The following ADAMTS17 variants were observed in gnomAD, a reference collection of about 807,000 sequenced individuals.
The protein encoded by ADAMTS17 is ADAM metallopeptidase with thrombospondin type 1 motif 17, also known as A disintegrin and metalloproteinase with thrombospondin motifs 17.
Under a neutral mutation model 141.5 loss-of-function variants are expected in ADAMTS17, and 113 were observed. The observed-to-expected ratio is 0.80, with a 90% CI of 0.69 to 0.93. The LOEUF (loss-of-function observed/expected upper bound fraction) is 0.93. Ranked by LOEUF, ADAMTS17 falls within the 40% of genes least tolerant of loss-of-function variation. ADAMTS17 has a pLI of 0.00. For synonymous variants in ADAMTS17, 768 were observed against 630.6 expected (o/e 1.22, Z -3.27); for missense variants, 1,659 against 1,517.9 (o/e 1.09, Z -1.54).
chr15:100,332,525 C>A (rs1375304502), intron 2 of ADAMTS17, among the ~76,000 whole-genome samples: 1 of 152,184 alleles, frequency 6.6e-6, no homozygotes, highest in Admixed American at 6.5e-5. Context: ...GGGTCAAAGC[C>A]CCCCCAGGAT....
chr15:100,261,023 A>G (rs1336557524), intron 6 of ADAMTS17, among the ~76,000 whole-genome samples: 4 of 152,236 alleles, frequency 2.6e-5, no homozygotes, highest in African/African-American at 9.6e-5. Flanking sequence ...ATATAGCCAC[A>G]TCGACATCAA....
chr15:100,101,418 T>A lies in ADAMTS17; in HGVS notation c.2017-4942A>T, dbSNP rs1401249077. 2.0e-5 allele frequency among the ~76,000 whole-genome samples: 3 copies of A among 152,228 alleles called. No homozygotes were observed. In the East Asian group the frequency reaches 5.8e-4, roughly 29 times the overall value. ...ACAATACAGTGTGCAGCACTCGGAATGTGATCAACAAATACCTGATGCAGG... is the reference window on the plus strand; with the variant it reads ...ACAATACAGTGTGCAGCACTCGGAAAGTGATCAACAAATACCTGATGCAGG... On this transcript the variant is annotated intron_variant, in intron 14 of 21. Transcript: ENST00000268070.
At chr15:100,009,838 A>T (rs1461288819) in intron 18 of ADAMTS17, among the ~76,000 whole-genome samples, 1 of 152,122 alleles carries the variant, frequency 6.6e-6, no homozygotes, top group African/African-American at 2.4e-5. Flanking sequence ...GGGACAGAAC[A>T]CTCACAGCTG....
chr15:100,239,405 G>C (rs1164843992), intron 7 of ADAMTS17, among the ~76,000 whole-genome samples: 1 of 152,194 alleles, frequency 6.6e-6, no homozygotes, highest in East Asian at 1.9e-4. Context: ...CTGGTGCAGG[G>C]ATACCGCAGT....
At chr15:100,035,689 G>A (rs1185267406) in intron 18 of ADAMTS17, among the ~76,000 whole-genome samples, 2 of 152,096 alleles carry the variant, frequency 1.3e-5, no homozygotes, top group East Asian at 1.9e-4. Flanking sequence ...TGGTTCCAGA[G>A]GGACCCCCAG....
At chr15:100,025,600 G>C (rs2061498026) in intron 18 of ADAMTS17, among the ~76,000 whole-genome samples, 1 of 151,912 alleles carries the variant, frequency 6.6e-6, no homozygotes, top group Admixed American at 6.6e-5. Flanking sequence ...TTTTAGTAGA[G>C]ACAGGGTTTC....
At chr15:99,995,596 A>G (rs2060785782) in intron 19 of ADAMTS17, among the ~76,000 whole-genome samples, 2 of 152,334 alleles carry the variant, frequency 1.3e-5, no homozygotes, top group African/African-American at 4.8e-5. Flanking sequence ...TTCTTCTAAT[A>G]AAGTCGGGAA....
intron 15 of ADAMTS17, among the ~76,000 whole-genome samples, chr15:100,067,661 T>C (rs1198894624): frequency 6.6e-6 from 1 of 152,238 alleles, no homozygotes; most frequent in Non-Finnish European, 1.5e-5. Context: ...TTTACCCTGC[T>C]TGGATGACTT....
chr15:100,108,426 G>A (rs906051837), intron 14 of ADAMTS17, among the ~76,000 whole-genome samples: 1 of 152,004 alleles, frequency 6.6e-6, no homozygotes, highest in African/African-American at 2.4e-5. Context: ...TTCCTGCCTC[G>A]GCCTCCCAAA....
At chr15:100,274,249 A>G (rs185711779) in intron 4 of ADAMTS17, among the ~76,000 whole-genome samples, 6 of 152,238 alleles carry the variant, frequency 3.9e-5, no homozygotes, top group African/African-American at 1.4e-4. Flanking sequence ...TGGTTGTTCT[A>G]TCTACTAATG....
At chr15:100,011,748 G>A (rs2061187845) in intron 18 of ADAMTS17, among the ~76,000 whole-genome samples, 1 of 152,212 alleles carries the variant, frequency 6.6e-6, no homozygotes, top group Non-Finnish European at 1.5e-5. Context: ...TTATGGCCAA[G>A]TAGTATTCCA....
Position 99,973,497 on chromosome 15 carries a change from A to C in ADAMTS17, c.*905T>G, listed in dbSNP as rs1282770876. 3 of 152,234 alleles carry C rather than the reference A, an allele frequency of 2.0e-5. No individual in the cohort carries two copies. The highest frequency in any genetic ancestry group is 2.9e-5 in the Non-Finnish European group (2 of 68,068). 9.4% of individuals were successfully genotyped at this position (152,234 alleles called of 1,614,324 possible). On this transcript the variant is annotated 3_prime_UTR_variant, in exon 22 of 22. Transcript: ENST00000268070. Reference sequence around the variant, plus strand: ...ATCTCTAAGGTACAAAGCTTTAGGAAGTGCAGGCCAGAGTGGATGTTCCCG... The same window carrying C: ...ATCTCTAAGGTACAAAGCTTTAGGACGTGCAGGCCAGAGTGGATGTTCCCG...
chr15:99,977,386 A>T (rs1567632406), intron 20 of ADAMTS17, among the ~76,000 whole-genome samples: 1,330 of 11,448 alleles, frequency 0.12, 356 homozygotes, highest in African/African-American at 0.15. Context: ...ATATATATAT[A>T]TATATATATA....
intron 3 of ADAMTS17, among the ~76,000 whole-genome samples, chr15:100,320,858 A>T (rs1022063712): frequency 1.3e-5 from 2 of 152,204 alleles, no homozygotes; most frequent in Non-Finnish European, 2.9e-5. Context: ...GAGTAAAGGT[A>T]AAATAAAGAC....
chr15:99,979,686 A>G (rs2060443518), intron 20 of ADAMTS17: 1 of 152,204 alleles, frequency 6.6e-6, no homozygotes, highest in Non-Finnish European at 1.5e-5. Flanking sequence ...TGACGATGAG[A>G]CCAACACTAC....
intron 20 of ADAMTS17, among the ~76,000 whole-genome samples, chr15:99,984,386 C>T (rs1478562284): frequency 5.9e-5 from 9 of 152,210 alleles, no homozygotes; most frequent in South Asian, 2.1e-4. Context: ...GCCGCCATCA[C>T]GTGTGGGTAC....
chr15:100,285,892 C>T lies in ADAMTS17; in HGVS notation c.617-4491G>A, dbSNP rs11858696. On this transcript the variant is annotated intron_variant, in intron 3 of 21. Coordinates refer to ENST00000268070, the MANE Select transcript of ADAMTS17 (RefSeq NM_139057.4). ...TGGGTGACTGCTGGACCTGCACAGA[C>T]CAGGGTGGTCTTGCCCATAGGATGA... Among the ~76,000 whole-genome samples, 17 of 152,158 alleles carry T rather than the reference C, an allele frequency of 1.1e-4. 1 individual carries two copies. The South Asian group carries it at 3.5e-3, about 32-fold the overall frequency.
At chr15:100,279,605 G>A (rs1029518488) in intron 4 of ADAMTS17, among the ~76,000 whole-genome samples, 2 of 152,234 alleles carry the variant, frequency 1.3e-5, no homozygotes, top group Admixed American at 6.5e-5. Context: ...ACTGTGGCCA[G>A]AGCTAAATTC....
At chr15:100,153,597 T>A (rs73473700) in intron 9 of ADAMTS17, among the ~76,000 whole-genome samples, 9,091 of 152,202 alleles carry the variant, frequency 0.06, 637 homozygotes, top group East Asian at 0.36. Flanking sequence ...TGAGCCAAGA[T>A]AGCGCCACTG....
Sources: gnomAD v4.1 joint callset for allele counts (sites outside exome capture counted in the v4.1 genomes callset) on GRCh38, gnomAD v4.1.1 for gene constraint, MANE v1.5 for transcripts, NCBI Gene and HGNC (gene_info 2026-07-23, HGNC 2026-07-21) for gene names.